FLT4: variants seen among roughly 807,000 people sequenced by gnomAD.
FLT4 encodes the protein vascular endothelial growth factor receptor 3.
In FLT4, 30 loss-of-function variants were observed where a neutral mutation model predicts 163.2. That is an observed-to-expected ratio of 0.18 (90% CI 0.14 to 0.25). The LOEUF (loss-of-function observed/expected upper bound fraction) is 0.25. Among genes scored for constraint, FLT4 ranks in the 10% least tolerant of loss-of-function variants. The pLI is 1.00. For synonymous variants in FLT4, 884 were observed against 789.5 expected (o/e 1.12, Z -2.01); for missense variants, 1,510 against 1,863.8 (o/e 0.81, Z 3.50).
chr5:180,639,277 G>A (rs1246022816), intron 1 of FLT4, among the ~76,000 whole-genome samples: 1 of 29,182 alleles, frequency 3.4e-5, no homozygotes, highest in African/African-American at 5.2e-5. Flanking sequence ...ATGGATGCAT[G>A]GGTGGGTGGA....
intron 1 of FLT4, 31 bp from the exon 2 acceptor site, chr5:180,631,809 TG>T: frequency 6.6e-7 from 1 of 1,505,834 alleles, no homozygotes. Context: ...AGCGTGGTGC[TG>T]GGCTGTGACT....
rs890978912 is a variant in FLT4, at chr5:180,649,556, T to C, written c.-11A>G. On this transcript the variant is annotated 5_prime_UTR_variant, in exon 1 of 30. Coordinates refer to ENST00000261937, the MANE Select transcript of FLT4 (RefSeq NM_182925.5). ...GGCGCCCCGCTGCATCTCCGGCCGC[T>C]GCGCGTGGGTCCGACCCGAGCGGCC... 17 of 1,423,862 alleles carry C rather than the reference T, an allele frequency of 1.2e-5. No individual in the cohort carries two copies. Among genetic ancestry groups the C allele is most frequent in the African/African-American group, 3.0e-5 (2 of 67,034 alleles). The allele number at this position is 1,423,862 out of a possible 1,614,324, so 88.2% of individuals were successfully genotyped here.
intron 14 of FLT4, 40 bp from the exon 15 acceptor site, chr5:180,621,047 T>C: frequency 6.2e-7 from 1 of 1,611,870 alleles, no homozygotes; most frequent in South Asian, 1.1e-5. Context: ...CACCTGGGTT[T>C]GGGATCGTCG....
Position 180,601,780 on chromosome 5 carries a change from G to A in FLT4, c.*1412C>T, listed in dbSNP as rs2127780559. ...GGGGGAGGTCCACGGGGACGACGAA[G>A]ATGACCTTATACGTGCACTCGGCAT... is the stretch of plus-strand genomic sequence containing the variant. On this transcript the variant is annotated 3_prime_UTR_variant, in exon 30 of 30. Transcript: ENST00000261937. 4.3e-6 allele frequency: 1 copy of A among 232,742 alleles called. No homozygotes were observed. Among genetic ancestry groups the A allele is most frequent in the East Asian group, 6.1e-5 (1 of 16,496 alleles). The allele number at this position is 232,742 out of a possible 1,614,324, so 14.4% of individuals were successfully genotyped here. A position where few individuals can be genotyped will look rare whatever the true frequency, so the allele number is the denominator to read the frequency against.
chr5:180,611,244 C>G (rs577285498), intron 27 of FLT4, 87 bp downstream of exon 27: 1,018 of 1,454,946 alleles, frequency 7.0e-4, no homozygotes, highest in Non-Finnish European at 8.7e-4. Context: ...GCATGATTTG[C>G]TTTTCCCCGA....
In FLT4 at chr5:180,618,888, G is replaced by A; in HGVS notation, c.2883C>T (p.Arg961=). 1.3e-6 allele frequency: 2 copies of A among 1,587,872 alleles called. No individual in the cohort carries two copies. The highest frequency in any genetic ancestry group is 1.3e-5 in the African/African-American group (1 of 74,756). ...CCAGCCTGGCGAGCTCCACCATGGC[G>A]CGGAAGCGTCCGCGCTGCTCGGGAG... ...EKSPEQRGRF[R]AMVELARLDR... The change falls in exon 21 of 30, where the codon CGC becomes CGT. Residue 961 remains arginine (R), a synonymous_variant. Transcript: ENST00000261937.
chr5:180,629,202 C>A, intron 7 of FLT4, 57 bp downstream of exon 7: 1 of 1,603,120 alleles, frequency 6.2e-7, no homozygotes, highest in Non-Finnish European at 8.5e-7. Context: ...TCAAGGGCAC[C>A]GTGAGCTCTG....
intron 29 of FLT4, chr5:180,608,040 G>A: frequency 1.4e-6 from 1 of 696,434 alleles, no homozygotes; most frequent in Non-Finnish European, 2.6e-6. Context: ...AGCTTCTTGT[G>A]GGAGGCTGGA....
intron 1 of FLT4, among the ~76,000 whole-genome samples, chr5:180,643,492 C>T (rs1054430350): frequency 1.3e-5 from 2 of 152,240 alleles, no homozygotes; most frequent in African/African-American, 4.8e-5. Flanking sequence ...ATGGCTCTCC[C>T]CCCGGGTGGC....
At chr5:180,622,240 C>T (rs781709737) in intron 12 of FLT4, among the ~76,000 whole-genome samples, 1 of 152,062 alleles carries the variant, frequency 6.6e-6, no homozygotes, top group Non-Finnish European at 1.5e-5. Flanking sequence ...CCCCCCAGCC[C>T]CCGGGTGTTC....
intron 8 of FLT4, 108 bp downstream of exon 8, chr5:180,628,774 G>A (rs74710143): frequency 0.022 from 16,839 of 776,288 alleles, 259 homozygotes; most frequent in Non-Finnish European, 0.026. Flanking sequence ...CCTGGTCTCC[G>A]TGTGCAGGTC....
In FLT4 at chr5:180,622,739, T is replaced by C. The variant is rs1469512739; in HGVS notation, c.1649A>G (p.Tyr550Cys). ...CTGGTCTGGTCACTCACTGGTCACA[T>C]AGAAGTAGATGAGCCGCTCATCCTG... is the stretch of plus-strand genomic sequence containing the variant. ...VGQDERLIYFYVTTIPDGFTI... is the reference protein window; with the variant it reads ...VGQDERLIYFCVTTIPDGFTI... The change falls in exon 12 of 30, where the codon TAT (tyrosine) becomes TGT (cysteine). Residue 550 changes from tyrosine (Y) to cysteine (C), a missense_variant. Coordinates refer to ENST00000261937, the MANE Select transcript of FLT4 (RefSeq NM_182925.5). 1.2e-6 allele frequency: 2 copies of C among 1,605,744 alleles called. No individual in the cohort carries two copies. The highest frequency in any genetic ancestry group is 2.2e-5 in the East Asian group (1 of 44,842).
At chr5:180,640,357 C>A (rs1360511606) in intron 1 of FLT4, among the ~76,000 whole-genome samples, 2 of 152,246 alleles carry the variant, frequency 1.3e-5, no homozygotes, top group Non-Finnish European at 2.9e-5. Context: ...CTGGCTGAGT[C>A]CAGGTCGGTC....
At chr5:180,610,286 C>G (rs534953690) in intron 27 of FLT4, among the ~76,000 whole-genome samples, 224 of 152,340 alleles carry the variant, frequency 1.5e-3, no homozygotes, top group Non-Finnish European at 2.1e-3. Context: ...AGTGAGGGGG[C>G]ATCCAGCCCC....
At chr5:180,621,462 G>C in intron 13 of FLT4, 80 bp downstream of exon 13, 1 of 1,568,674 alleles carries the variant, frequency 6.4e-7, no homozygotes, top group Non-Finnish European at 8.6e-7. Flanking sequence ...CCTCCCAGGG[G>C]CGAGCCACGC....
chr5:180,648,227 C>T (rs577262838), intron 1 of FLT4, among the ~76,000 whole-genome samples: 2 of 152,300 alleles, frequency 1.3e-5, no homozygotes, highest in South Asian at 4.1e-4. Context: ...CTGGCCTGCC[C>T]GACTCGGAGG....
chr5:180,604,437 G>A lies in FLT4; in HGVS notation c.3894-1047C>T, dbSNP rs527874307. On this transcript the variant is annotated intron_variant, in intron 29 of 29. Transcript: ENST00000261937. ...CTGCGGAGCCAGCTGTGTCCTTGCCGGCTCTGTGACATCCTCCCGCGGACT... is the reference window on the plus strand; with the variant it reads ...CTGCGGAGCCAGCTGTGTCCTTGCCAGCTCTGTGACATCCTCCCGCGGACT... Among the ~76,000 whole-genome samples the A allele has an allele frequency of 7.2e-5, 11 of 152,244 alleles. No individual in the cohort carries two copies. The East Asian group carries it at 1.2e-3, about 16-fold the overall frequency.
chr5:180,640,083 G>T (rs940590376), intron 1 of FLT4, among the ~76,000 whole-genome samples: 2 of 152,312 alleles, frequency 1.3e-5, no homozygotes, highest in East Asian at 1.9e-4. Flanking sequence ...AGCCACAGGC[G>T]TGGCGGGCGT....
At chr5:180,622,991 A>AG in intron 11 of FLT4, 152 bp from the exon 12 acceptor site, 1 of 698,844 alleles carries the variant, frequency 1.4e-6, no homozygotes, top group South Asian at 1.5e-5. Flanking sequence ...TCACAGGACC[A>AG]GGGATAGTGA....
Sources: gnomAD v4.1 joint callset for allele counts (sites outside exome capture counted in the v4.1 genomes callset) on GRCh38, gnomAD v4.1.1 for gene constraint, MANE v1.5 for transcripts, NCBI Gene and HGNC (gene_info 2026-07-23, HGNC 2026-07-21) for gene names.